PRKG2: variants seen among roughly 807,000 people sequenced by gnomAD.
The protein encoded by PRKG2 is cGMP-dependent protein kinase 2.
A neutral mutation model predicts 97.2 loss-of-function variants in PRKG2; 33 were observed. That is an observed-to-expected ratio of 0.34 (90% CI 0.26 to 0.45). The LOEUF is 0.45. Among genes scored for constraint, PRKG2 ranks in the 20% least tolerant of loss-of-function variants. The pLI is 1.00. For missense variants in PRKG2, 638 were observed against 900.0 expected, an observed-to-expected ratio of 0.71 and a Z score of 3.73; for synonymous variants, 330 against 321.8, an observed-to-expected ratio of 1.03 and a Z score of -0.27.
chr4:81,167,664 T>G (rs1158133666), intron 5 of PRKG2, among the ~76,000 whole-genome samples: 1 of 152,044 alleles, frequency 6.6e-6, no homozygotes, highest in Non-Finnish European at 1.5e-5. Flanking sequence ...AAGGACTGAA[T>G]CCGGGGTTGG....
intron 2 of PRKG2, among the ~76,000 whole-genome samples, chr4:81,177,319 A>G (rs940199231): frequency 2.6e-5 from 4 of 152,248 alleles, no homozygotes; most frequent in African/African-American, 7.2e-5. Context: ...CTTGGTGTAT[A>G]GACATATTGT....
At chr4:81,135,396 T>C in intron 13 of PRKG2, 100 bp from the exon 14 acceptor site, 1 of 1,262,120 alleles carries the variant, frequency 7.9e-7, no homozygotes, top group Non-Finnish European at 1.1e-6. Flanking sequence ...TTATGCAATA[T>C]AAATATTTTG....
intron 1 of PRKG2, among the ~76,000 whole-genome samples, chr4:81,207,635 G>C (rs1371420266): frequency 4.6e-5 from 7 of 152,174 alleles, no homozygotes; most frequent in African/African-American, 1.7e-4. Context: ...CAGTTAGGTA[G>C]AGGATGTTAA....
At chr4:81,098,020 T>C (rs35176186) in intron 17 of PRKG2, among the ~76,000 whole-genome samples, 35,617 of 152,062 alleles carry the variant, frequency 0.23, 7,559 homozygotes, top group African/African-American at 0.55. Flanking sequence ...AGTACTGATC[T>C]TGGGTGTGTT....
intron 14 of PRKG2, among the ~76,000 whole-genome samples, chr4:81,114,586 T>C (rs1744318193): frequency 6.6e-6 from 1 of 152,238 alleles, no homozygotes; most frequent in Non-Finnish European, 1.5e-5. Flanking sequence ...AATACAAATA[T>C]GGTTTGAGTT....
intron 2 of PRKG2, among the ~76,000 whole-genome samples, chr4:81,197,788 TGAA>T (rs1465666558): frequency 2.7e-5 from 4 of 149,480 alleles, no homozygotes; most frequent in Non-Finnish European, 5.9e-5. Flanking sequence ...GAAAAAAAAA[TGAA>T]GGAGGGAAGA....
intron 12 of PRKG2, among the ~76,000 whole-genome samples, chr4:81,138,692 T>C (rs1173889600): frequency 6.6e-6 from 1 of 151,768 alleles, no homozygotes; most frequent in African/African-American, 2.4e-5. Context: ...AATGTTGTCA[T>C]TAATATTTAT....
chr4:81,105,744 TGTG>T, intron 16 of PRKG2, 66 bp downstream of exon 16: 1 of 1,549,308 alleles, frequency 6.5e-7, no homozygotes, highest in East Asian at 2.3e-5. Context: ...AATTTTAAAA[TGTG>T]TAGAAACAGA....
intron 14 of PRKG2, among the ~76,000 whole-genome samples, chr4:81,131,723 T>A (rs990128538): frequency 2.0e-5 from 3 of 152,184 alleles, no homozygotes; most frequent in African/African-American, 7.2e-5. Context: ...ATCCAGTTGT[T>A]TCAGCAATGT....
chr4:81,145,356 T>C (rs1471351602), intron 9 of PRKG2, among the ~76,000 whole-genome samples: 1 of 152,196 alleles, frequency 6.6e-6, no homozygotes, highest in African/African-American at 2.4e-5. Context: ...TTCTTTTAAC[T>C]TTGCTTAATA....
intron 15 of PRKG2, among the ~76,000 whole-genome samples, chr4:81,106,502 G>A (rs1743355689): frequency 6.6e-6 from 1 of 152,214 alleles, no homozygotes; most frequent in Admixed American, 6.5e-5. Flanking sequence ...TACATTCTGA[G>A]CAGGATGATC....
chr4:81,099,821 C>T (rs1742533897), intron 17 of PRKG2, among the ~76,000 whole-genome samples: 1 of 152,184 alleles, frequency 6.6e-6, no homozygotes, highest in Non-Finnish European at 1.5e-5. Context: ...ACCCCACTGT[C>T]TCAGCCCAAA....
In PRKG2 at chr4:81,177,004, A is replaced by T. The variant is rs183399463; in HGVS notation, c.462-2045T>A. Among the ~76,000 whole-genome samples the T allele has an allele frequency of 1.9e-3, 287 of 152,314 alleles. 1 individual carries two copies. Among genetic ancestry groups the T allele is most frequent in the African/African-American group, 6.4e-3 (264 of 41,574 alleles). ...AATTTTTTATTATAGATAAGCTGGT[A>T]TCCTTATCATCCCCTATATCTTTGC... On this transcript the variant is annotated intron_variant, in intron 2 of 18. Coordinates refer to ENST00000264399, the MANE Select transcript of PRKG2 (RefSeq NM_006259.3).
chr4:81,171,005 T>TTTATTG (rs1750425459), intron 4 of PRKG2, among the ~76,000 whole-genome samples: 3 of 152,082 alleles, frequency 2.0e-5, no homozygotes, highest in Admixed American at 2.0e-4. Flanking sequence ...TATTTTTATT[T>TTTATTG]TTAATTTAAT....
chr4:81,104,695 A>C (rs886145282), intron 16 of PRKG2, among the ~76,000 whole-genome samples: 1 of 152,016 alleles, frequency 6.6e-6, no homozygotes, highest in Non-Finnish European at 1.5e-5. Context: ...GGTATGAATA[A>C]ATACTTTAAA....
intron 15 of PRKG2, 111 bp from the exon 16 acceptor site, chr4:81,106,046 C>T (rs1392432706): frequency 3.2e-6 from 4 of 1,249,876 alleles, no homozygotes; most frequent in Admixed American, 4.9e-5. Flanking sequence ...TCATTTCTTC[C>T]TCTCTCTGTC....
intron 17 of PRKG2, among the ~76,000 whole-genome samples, chr4:81,097,591 T>C (rs1382225418): frequency 1.3e-5 from 2 of 152,206 alleles, no homozygotes; most frequent in African/African-American, 2.4e-5. Context: ...CTAGACAGTA[T>C]CTTCTTTCAA....
rs754364666 is a variant in PRKG2 at position 81,110,616 on chromosome 4, T to C, written c.1777-5A>G. The C allele has an allele frequency of 6.2e-7, 1 of 1,613,576 alleles. No individual in the cohort carries two copies. Among genetic ancestry groups the C allele is most frequent in the Non-Finnish European group, 8.5e-7 (1 of 1,179,822 alleles). On this transcript the variant is annotated splice_region_variant and splice_polypyrimidine_tract_variant and intron_variant, in intron 14 of 18. Transcript: ENST00000264399. ...CTTCGCAAATCCAAAGTCAACCTGGTAAAGAATAGCAAAGAAATTGTGCAG... is the reference window on the plus strand; with the variant it reads ...CTTCGCAAATCCAAAGTCAACCTGGCAAAGAATAGCAAAGAAATTGTGCAG...
At chr4:81,189,624 GT>G (rs1305752879) in intron 2 of PRKG2, among the ~76,000 whole-genome samples, 2 of 149,760 alleles carry the variant, frequency 1.3e-5, no homozygotes, top group African/African-American at 5.1e-5. Context: ...GGTAGAGGGA[GT>G]GGGGAGGGAT....
Sources: allele counts gnomAD v4.1 joint callset (sites outside exome capture counted in the v4.1 genomes callset), GRCh38; gene constraint gnomAD v4.1.1; transcripts MANE v1.5; gene names NCBI Gene and HGNC (gene_info 2026-07-23, HGNC 2026-07-21).